The following UPP2 variants were observed in gnomAD, a reference collection of about 807,000 sequenced individuals.
UPP2 encodes UPase 2.
In UPP2, 23 loss-of-function variants were observed where a neutral mutation model predicts 26.7. That is an observed-to-expected ratio of 0.86 (90% confidence interval 0.62 to 1.22). The LOEUF is 1.22. Ranked by LOEUF, UPP2 falls within the 50% of genes most tolerant of loss-of-function variation. UPP2 has a pLI of 0.00. For synonymous variants in UPP2, 127 were observed against 141.3 expected, an observed-to-expected ratio of 0.90 and a Z score of 0.72; for missense variants, 387 against 396.7, an observed-to-expected ratio of 0.98 and a Z score of 0.21.
rs566695543 is a variant in UPP2 at position 158,063,226 on chromosome 2, A to G, written c.148-38814A>G. On this transcript the variant is annotated intron_variant, in intron 3 of 9. Coordinates refer to the UPP2 transcript ENST00000605860. ...TCCCTGCTTTACTTTTCCCCAAAGC[A>G]CTTTATCACCTGACAAACTCTGCAA... 9.9e-5 allele frequency among the ~76,000 whole-genome samples: 15 copies of G among 152,220 alleles called. 1 individual carries two copies. In the South Asian group the frequency reaches 2.9e-3, roughly 29 times the overall value.
In UPP2 at chr2:158,115,232, C is replaced by A; in HGVS notation, c.312C>A (p.Tyr104Ter). ...CTGGGACAGACAGATACTGTATGTA[C>A]AAAACCGGGCCTGTGCTCGCCATCA... ...ICAGTDRYCM[Y>*]KTGPVLAISH... The change falls in exon 3 of 7, where the codon TAC becomes TAA. Residue 104 changes from tyrosine to a stop codon, truncating the protein, a stop_gained. Transcript: ENST00000005756. LOFTEE classifies it high-confidence loss of function. 6.2e-7 allele frequency: 1 copy of A among 1,611,486 alleles called. No individual in the cohort carries two copies. The highest frequency in any genetic ancestry group is 8.5e-7 in the Non-Finnish European group (1 of 1,178,902).
At chr2:158,132,284 G>C (rs1189719145) in intron 6 of UPP2, among the ~76,000 whole-genome samples, 1 of 152,204 alleles carries the variant, frequency 6.6e-6, no homozygotes, top group Non-Finnish European at 1.5e-5. Context: ...TCTGACCGAT[G>C]GGTCAGTATA....
At chr2:158,015,377 T>C (rs1317048977) in intron 2 of UPP2, among the ~76,000 whole-genome samples, 1 of 152,218 alleles carries the variant, frequency 6.6e-6, no homozygotes, top group Non-Finnish European at 1.5e-5. Flanking sequence ...TAACATGATA[T>C]CCTCAAGGTT....
intron 6 of UPP2, among the ~76,000 whole-genome samples, chr2:158,129,955 GGTT>G (rs1329778848): frequency 6.6e-6 from 1 of 151,792 alleles, no homozygotes; most frequent in Non-Finnish European, 1.5e-5. Flanking sequence ...TTATTGTTGT[GGTT>G]GTTGTTGTTT....
chr2:158,120,611 A>G (rs1470650183), intron 4 of UPP2, among the ~76,000 whole-genome samples: 1 of 152,034 alleles, frequency 6.6e-6, no homozygotes, highest in East Asian at 1.9e-4. Flanking sequence ...GCATTTATGA[A>G]GATATATCTT....
upstream of UPP2, among the ~76,000 whole-genome samples, chr2:158,097,394 T>TAGAG (rs796426805): frequency 6.6e-5 from 10 of 151,760 alleles, no homozygotes; most frequent in African/African-American, 2.4e-4. Flanking sequence ...TATATATATA[T>TAGAG]AGAGAGAGTG....
chr2:158,032,568 G>A (rs1017045668), intron 3 of UPP2, among the ~76,000 whole-genome samples: 5 of 152,132 alleles, frequency 3.3e-5, no homozygotes, highest in African/African-American at 9.7e-5. Flanking sequence ...ATTAGGAGGT[G>A]GGACATGGGG....
intron 3 of UPP2, among the ~76,000 whole-genome samples, chr2:158,033,929 A>G (rs189936563): frequency 7.2e-5 from 11 of 151,740 alleles, no homozygotes; most frequent in Admixed American, 7.2e-4. Flanking sequence ...GCAGCCAAAG[A>G]CAACCAGATG....
chr2:157,996,364 A>G (rs1259542019), intron 2 of UPP2, among the ~76,000 whole-genome samples: 1 of 152,090 alleles, frequency 6.6e-6, no homozygotes. Context: ...GCTAAATGAT[A>G]TTATTAATTT....
At chr2:158,015,711 T>C (rs879648423) in intron 2 of UPP2, 24 of 436,534 alleles carry the variant, frequency 5.5e-5, no homozygotes, top group Non-Finnish European at 9.5e-5. Flanking sequence ...GTTCTTGTGA[T>C]AGTGAGCTCT....
At chr2:158,078,494 C>T (rs1001090937) in intron 3 of UPP2, among the ~76,000 whole-genome samples, 2 of 152,134 alleles carry the variant, frequency 1.3e-5, no homozygotes, top group Admixed American at 6.6e-5. Context: ...ATGGATGGAA[C>T]TGGCAATCAT....
intron 3 of UPP2, among the ~76,000 whole-genome samples, chr2:158,016,480 A>G (rs749947916): frequency 2.6e-5 from 4 of 152,144 alleles, no homozygotes; most frequent in Admixed American, 6.5e-5. Context: ...GGCTGGGATT[A>G]TAGACACCCG....
chr2:158,060,393 G>C (rs1682334732), intron 3 of UPP2, among the ~76,000 whole-genome samples: 1 of 152,144 alleles, frequency 6.6e-6, no homozygotes, highest in Non-Finnish European at 1.5e-5. Context: ...ACGGTAAGCT[G>C]TCAAGTAAAT....
At chr2:158,008,251 A>T (rs73968531) in intron 2 of UPP2, among the ~76,000 whole-genome samples, 5,119 of 152,304 alleles carry the variant, frequency 0.034, 281 homozygotes, top group African/African-American at 0.12. Context: ...TGCCAGTCTA[A>T]AATGTAAATT....
chr2:158,000,344 G>GT (rs763599126), intron 2 of UPP2, among the ~76,000 whole-genome samples: 35 of 152,222 alleles, frequency 2.3e-4, no homozygotes, highest in Non-Finnish European at 4.7e-4. Context: ...TACTTACAGG[G>GT]TTTTTTGGAA....
At position 158,105,933 on chromosome 2, in the gene UPP2, T is replaced by C. The variant is rs78617012; in HGVS notation, c.63-166T>C. Among the ~76,000 whole-genome samples, 938 of 152,372 alleles carry C rather than the reference T, an allele frequency of 6.2e-3. 5 individuals carry two copies. Among genetic ancestry groups the C allele is most frequent in the Middle Eastern group, 0.027 (8 of 294 alleles). ...CTTGCCATTTTCATGCTCAGTGCTA[T>C]GCTTGGCACATAGTGTGGGCAAATA... On this transcript the variant is annotated intron_variant, in intron 1 of 6. Coordinates refer to ENST00000005756, the MANE Select transcript of UPP2 (RefSeq NM_173355.4).
At chr2:158,033,160 A>AG (rs1683949664) in intron 3 of UPP2, among the ~76,000 whole-genome samples, 1 of 152,032 alleles carries the variant, frequency 6.6e-6, no homozygotes, top group South Asian at 2.1e-4. Context: ...TGAAGATGGG[A>AG]GGGGGGCCCC....
chr2:158,058,419 C>CTGTGTGTGTGTGTGTGTGTG (rs70990632), intron 3 of UPP2, among the ~76,000 whole-genome samples: 5,740 of 136,332 alleles, frequency 0.042, 229 homozygotes, highest in East Asian at 0.1. Flanking sequence ...TCCCCCCAAC[C>CTGTGTGTGTGTGTGTGTGTG]TGTGTGTGTG....
At chr2:158,065,192 A>C (rs192523312) in intron 3 of UPP2, among the ~76,000 whole-genome samples, 3 of 152,312 alleles carry the variant, frequency 2.0e-5, no homozygotes, top group East Asian at 3.9e-4. Context: ...CATGACCTCT[A>C]TGCAAACAAG....
Sources: gnomAD v4.1 joint callset for allele counts (sites outside exome capture counted in the v4.1 genomes callset) on GRCh38, gnomAD v4.1.1 for gene constraint, MANE v1.5 for transcripts, NCBI Gene and HGNC (gene_info 2026-07-23, HGNC 2026-07-21) for gene names.